PLEC: variants seen among roughly 807,000 people sequenced by gnomAD.
The protein encoded by PLEC is hemidesmosomal protein 1.
In PLEC, 216 loss-of-function variants were observed where a neutral mutation model predicts 392.8. That is an observed-to-expected ratio of 0.55 (90% CI 0.49 to 0.62). The LOEUF (loss-of-function observed/expected upper bound fraction) is 0.62. Among genes scored for constraint, PLEC ranks in the 20% least tolerant of loss-of-function variants. The pLI is 0.00. For missense variants in PLEC, 6,863 were observed against 6,563.4 expected (o/e 1.05, Z -1.58); for synonymous variants, 3,621 against 2,980.6 (o/e 1.21, Z -7.00).
chr8:143,935,701 C>T, intron 6 of PLEC, 147 bp downstream of exon 6: 3 of 845,894 alleles, frequency 3.5e-6, no homozygotes, highest in Non-Finnish European at 5.7e-6. Flanking sequence ...GGGCTGGGCC[C>T]TGAACTCCAC....
In PLEC at chr8:143,939,424, C is replaced by T; in HGVS notation, c.38G>A (p.Gly13Asp). The change falls in exon 1 of 32, where the codon GGC becomes GAC. Residue 13 changes from glycine (G) to aspartate (D), a missense_variant. Gly to Asp is a moderately conservative substitution (Grantham distance 94). Transcript: ENST00000345136. ...CGAGCTGGTTCTCTTTCGGCCCAGG[C>T]CCTCGGGCTGCGGCACGCGGAGCTG... is the stretch of plus-strand genomic sequence containing the variant. ...QHQLRVPQPE[G>D]LGRKRTSSED... 6.2e-7 allele frequency: 1 copy of T among 1,612,600 alleles called. No homozygotes were observed. The highest frequency in any genetic ancestry group is 2.2e-5 in the East Asian group (1 of 44,870).
intron 12 of PLEC, 77 bp from the exon 13 acceptor site, chr8:143,933,428 CCCTCAGCCGCTT>C: frequency 1.3e-5 from 20 of 1,564,664 alleles, no homozygotes; most frequent in Non-Finnish European, 1.7e-5. Flanking sequence ...AAGACGGCCA[CCCTCAGCCGCTT>C]CCTCAGCCTC....
Position 143,924,625 on chromosome 8 carries a change from C to A in PLEC, c.5304G>T (p.Leu1768=). ...AKVRAEMEVL[L]ASKARAEEES... ...CCTCCTCAGCCCTCGCCTTGCTGGC[C>A]AGCAGCACCTCCATCTCGGCCCGCA... is the stretch of plus-strand genomic sequence containing the variant. Residue 1768 remains leucine, a synonymous_variant, in exon 31 of 32, where the codon CTG becomes CTT. Transcript: ENST00000345136. The A allele has an allele frequency of 6.5e-7, 1 of 1,540,010 alleles. No homozygotes were observed. The highest frequency in any genetic ancestry group is 8.7e-7 in the Non-Finnish European group (1 of 1,149,206).
At chr8:143,929,332 C>A in intron 24 of PLEC, 51 bp from the exon 25 acceptor site, 2 of 1,588,788 alleles carry the variant, frequency 1.3e-6, no homozygotes, top group Non-Finnish European at 1.7e-6. Flanking sequence ...CAGCACACAG[C>A]GCCCCTTGAA....
At position 143,921,688 on chromosome 8, in the gene PLEC, A is replaced by G. The variant is rs1554686716; in HGVS notation, c.8133T>C (p.Ser2711=). The change falls in exon 32 of 32, where the codon AGT becomes AGC. Residue 2711 remains serine, a synonymous_variant. Transcript: ENST00000345136. ...LLLKATNEKL[S]VYAALQRQLL... ...GCTGCCTCTGCAGGGCGGCGTAAAC[A>G]CTCAGCTTCTCATTGGTGGCCTTCA... is the stretch of plus-strand genomic sequence containing the variant. 1.2e-6 allele frequency: 2 copies of G among 1,612,956 alleles called. No homozygotes were observed. Among genetic ancestry groups the G allele is most frequent in the Non-Finnish European group, 8.5e-7 (1 of 1,179,862 alleles).
At chr8:143,939,707 G>A (rs1256969999), upstream of PLEC, 4 of 1,302,148 alleles carry the variant, frequency 3.1e-6, no homozygotes, top group African/African-American at 3.1e-5. Flanking sequence ...CCGGCGGGAA[G>A]GAGCAAGCAG....
At chr8:143,938,494 C>G in intron 2 of PLEC, 137 bp downstream of exon 2, 1 of 1,556,376 alleles carries the variant, frequency 6.4e-7, no homozygotes, top group South Asian at 1.1e-5. Context: ...AGAAAGAGGA[C>G]AGAAAATAAC....
chr8:143,918,388 G>A lies in PLEC; in HGVS notation c.11433C>T (p.Asp3811=). ...GGGGAAGGTGGAAGCCCAGGCGGGG[G>A]TCCACGATGCCGCCGGTGGCCAGCT... ...DAQLATGGIV[D]PRLGFHLPLE... is the part of the protein sequence containing the mutation. The change falls in exon 32 of 32, where the codon GAC becomes GAT. Residue 3811 remains aspartate (D), a synonymous_variant. Transcript: ENST00000345136. The A allele has an allele frequency of 1.3e-6, 2 of 1,566,310 alleles. No individual in the cohort carries two copies. Among genetic ancestry groups the A allele is most frequent in the Non-Finnish European group, 1.7e-6 (2 of 1,161,562 alleles).
In PLEC at chr8:143,973,323, A is replaced by T; in HGVS notation, c.70+80T>A. 6.6e-7 allele frequency: 1 copy of T among 1,509,782 alleles called. No individual in the cohort carries two copies. Among genetic ancestry groups the T allele is most frequent in the Non-Finnish European group, 8.9e-7 (1 of 1,119,632 alleles). 93.5% of individuals were successfully genotyped at this position (1,509,782 alleles called of 1,614,324 possible). On this transcript the variant is annotated intron_variant, in intron 1 of 31. Transcript: ENST00000356346. The surrounding 1 kb of genome is among the most constrained non-coding windows in gnomAD (Gnocchi z 5.6). ...GGCCGCGCTCGGGCCGGCGATCGGG[A>T]CCGCCACCGTGGACGACAAGGTGCT...
At chr8:143,966,667 G>C (rs959808486) in intron 1 of PLEC, among the ~76,000 whole-genome samples, 1 of 151,838 alleles carries the variant, frequency 6.6e-6, no homozygotes, top group Non-Finnish European at 1.5e-5. Flanking sequence ...GTACAAAAGT[G>C]AAGCAACACA....
In PLEC at chr8:143,924,105, C is replaced by T. The variant is rs1379060844; in HGVS notation, c.5824G>A (p.Ala1942Thr). 15 of 1,598,686 alleles carry T rather than the reference C, an allele frequency of 9.4e-6. No individual in the cohort carries two copies. The highest frequency in any genetic ancestry group is 1.3e-5 in the African/African-American group (1 of 74,990). Residue 1942 changes from alanine to threonine, a missense_variant, in exon 31 of 32, where the codon GCG (alanine) becomes ACG (threonine). By Grantham distance (58) the Ala-to-Thr change is moderately conservative. Coordinates refer to ENST00000345136, the MANE Select transcript of PLEC (RefSeq NM_201384.3). ...ASFEKAAAGK[A>T]ELELELGRIR... The stretch of plus-strand genomic sequence containing the variant: ...CGTCCCAGCTCCAGCTCCAGCTCCG[C>T]CTTGCCAGCGGCCGCCTTCTCGAAG...
At chr8:143,966,181 C>T (rs972142892) in intron 1 of PLEC, among the ~76,000 whole-genome samples, 4 of 152,204 alleles carry the variant, frequency 2.6e-5, no homozygotes, top group East Asian at 1.9e-4. Flanking sequence ...TGCTTCCTCA[C>T]GCCCCTTCCT....
At chr8:143,946,947 T>C (rs1831563527) in intron 1 of PLEC, among the ~76,000 whole-genome samples, 1 of 152,002 alleles carries the variant, frequency 6.6e-6, no homozygotes, top group South Asian at 2.1e-4. Flanking sequence ...CCAGGGGCAA[T>C]GGTGACACCT....
chr8:143,947,527 C>G (rs1178653346), intron 1 of PLEC, among the ~76,000 whole-genome samples: 1 of 152,032 alleles, frequency 6.6e-6, no homozygotes, highest in Non-Finnish European at 1.5e-5. Flanking sequence ...GGCGGATCAC[C>G]TGAGGTCAGG....
Position 143,925,180 on chromosome 8 carries a change from G to A in PLEC, c.4749C>T (p.Ala1583=), listed in dbSNP as rs1554701088. 1.3e-6 allele frequency: 2 copies of A among 1,573,496 alleles called. No individual in the cohort carries two copies. Among genetic ancestry groups the A allele is most frequent in the Non-Finnish European group, 1.7e-6 (2 of 1,168,110 alleles). Residue 1583 remains alanine (A), a synonymous_variant, in exon 31 of 32, where the codon GCC becomes GCT. Coordinates refer to ENST00000345136, the MANE Select transcript of PLEC (RefSeq NM_201384.3). Reference sequence around the variant, plus strand: ...GCTGTGCCGTCTTCTCGGCGAAGGAGGCGCGTTTGCTCTGCAGCTCCGCCT... The same window carrying A: ...GCTGTGCCGTCTTCTCGGCGAAGGAAGCGCGTTTGCTCTGCAGCTCCGCCT... ...SAEAELQSKR[A]SFAEKTAQLE...
Position 143,938,177 on chromosome 8 carries a change from G to C in PLEC, c.238C>G (p.Leu80Val), listed in dbSNP as rs1554725132. The change falls in exon 3 of 32, where the codon CTG (leucine) becomes GTG (valine). Residue 80 changes from leucine to valine, a missense_variant. Transcript: ENST00000345136. ...LRDGHNLISLLEVLSGDSLPR... is the reference protein window; with the variant it reads ...LRDGHNLISLVEVLSGDSLPR... ...AGGCTGTCCCCCGAGAGGACCTCCA[G>C]CAGGGAGATGAGGTTGTGGCCATCG... is the stretch of plus-strand genomic sequence containing the variant. 4 of 1,608,276 alleles carry C rather than the reference G, an allele frequency of 2.5e-6. No homozygotes were observed. The highest frequency in any genetic ancestry group is 3.4e-6 in the Non-Finnish European group (4 of 1,179,040).
rs1554684177 is a variant in PLEC at position 143,921,144 on chromosome 8, C to T, written c.8677G>A (p.Glu2893Lys). 6.2e-7 allele frequency: 1 copy of T among 1,613,442 alleles called. No homozygotes were observed. The highest frequency in any genetic ancestry group is 1.1e-5 in the South Asian group (1 of 91,082). ...GCCTCGGAGTCAGTGTAGACCAGCT[C>T]CCCGCCCTTGGCAGCCTTATCCGTG... is the stretch of plus-strand genomic sequence containing the variant. ...PLTDKAAKGGELVYTDSEARD... is the reference protein window; with the variant it reads ...PLTDKAAKGGKLVYTDSEARD... The change falls in exon 32 of 32, where the codon GAG (glutamate) becomes AAG (lysine). Residue 2893 changes from glutamate (E) to lysine (K), a missense_variant. Glu to Lys is a moderately conservative substitution (Grantham distance 56). Transcript: ENST00000345136.
chr8:143,932,098 C>G, intron 17 of PLEC, 32 bp downstream of exon 17: 1 of 1,587,476 alleles, frequency 6.3e-7, no homozygotes, highest in South Asian at 1.1e-5. Context: ...ACGGCCCCCC[C>G]CGCAGCCCCG....
chr8:143,939,607 G>T, upstream of PLEC: 2 of 1,482,206 alleles, frequency 1.3e-6, no homozygotes, highest in South Asian at 2.6e-5. Flanking sequence ...CAGTCGGTGC[G>T]GCCACTCCCT....
Sources: allele counts gnomAD v4.1 joint callset (sites outside exome capture counted in the v4.1 genomes callset), GRCh38; gene constraint gnomAD v4.1.1; non-coding constraint Gnocchi (gnomAD v3.1); transcripts MANE v1.5; gene names NCBI Gene and HGNC (gene_info 2026-07-23, HGNC 2026-07-21).